The following CDH18 variants were observed in gnomAD, a reference collection of about 807,000 sequenced individuals.
The protein encoded by CDH18 is cadherin-18.
Under a neutral mutation model 67.9 loss-of-function variants are expected in CDH18, and 31 were observed. The ratio of observed to expected loss-of-function variants is 0.46; its 90% confidence interval spans 0.34 to 0.62. The LOEUF (loss-of-function observed/expected upper bound fraction) is 0.62, where lower values mean the gene tolerates loss of function less well. CDH18 is among the 20% of genes least tolerant of loss of function. The pLI, the probability that CDH18 is intolerant of heterozygous loss-of-function variation, is 0.01. For missense variants in CDH18, 890 were observed against 975.5 expected (o/e 0.91, Z 1.17); for synonymous variants, 362 against 347.2 (o/e 1.04, Z -0.48).
rs544353785 is a variant in CDH18 at position 20,530,273 on chromosome 5, A to C, written c.-580+45189T>G. Among the ~76,000 whole-genome samples, 3 of 152,106 alleles carry C rather than the reference A, an allele frequency of 2.0e-5. No individual in the cohort carries two copies. The South Asian group carries it at 6.2e-4, about 32-fold the overall frequency. On this transcript the variant is annotated intron_variant, in intron 1 of 14. Transcript: ENST00000507958. ...GTGGAAAAACATTCTATGCTAAAAG[A>C]TAGGAAGAATCAATATGAAAATGGC... is the stretch of plus-strand genomic sequence containing the variant.
intron 1 of CDH18, among the ~76,000 whole-genome samples, chr5:20,428,943 G>A (rs1748533000): frequency 6.6e-6 from 1 of 152,096 alleles, no homozygotes; most frequent in African/African-American, 2.4e-5. Flanking sequence ...CTTAAAGGGA[G>A]CTATGTGCGT....
chr5:20,402,042 A>G (rs1580914118), intron 1 of CDH18, among the ~76,000 whole-genome samples: 1 of 151,940 alleles, frequency 6.6e-6, no homozygotes, highest in East Asian at 1.9e-4. Context: ...TATTCTCACA[A>G]GCTTTCTGTT....
chr5:19,586,400 C>T lies in CDH18; in HGVS notation c.999+4657G>A, dbSNP rs75288051. On this transcript the variant is annotated intron_variant, in intron 7 of 12. Coordinates refer to ENST00000382275, the MANE Select transcript of CDH18 (RefSeq NM_004934.5). ...CTATAGGCCCGTGTGTGTTGTTAACCCTATGTGTCCATGTATTCTCATCAT... is the reference window on the plus strand; with the variant it reads ...CTATAGGCCCGTGTGTGTTGTTAACTCTATGTGTCCATGTATTCTCATCAT... Among the ~76,000 whole-genome samples the T allele has an allele frequency of 1.6e-3, 239 of 152,080 alleles. 1 individual carries two copies. The highest frequency in any genetic ancestry group is 5.6e-3 in the African/African-American group (233 of 41,502).
At chr5:20,483,274 C>T (rs1266538577) in intron 1 of CDH18, among the ~76,000 whole-genome samples, 1 of 151,504 alleles carries the variant, frequency 6.6e-6, no homozygotes, top group Non-Finnish European at 1.5e-5. Flanking sequence ...GAAGAGGACA[C>T]CAAAAAAGAA....
intron 1 of CDH18, among the ~76,000 whole-genome samples, chr5:20,508,363 A>ATATATATATATATT (rs1754792879): frequency 7.5e-6 from 1 of 133,242 alleles, no homozygotes; most frequent in Non-Finnish European, 1.6e-5. Context: ...ATATATATAT[A>ATATATATATATATT]TATGTATATT....
At chr5:19,498,584 G>T (rs572514519) in intron 11 of CDH18, among the ~76,000 whole-genome samples, 1 of 151,970 alleles carries the variant, frequency 6.6e-6, no homozygotes, top group Non-Finnish European at 1.5e-5. Context: ...AGTTAGTTTC[G>T]CTATCTTCCA....
chr5:20,378,185 C>CT (rs1006968514), intron 1 of CDH18, among the ~76,000 whole-genome samples: 24 of 151,932 alleles, frequency 1.6e-4, no homozygotes, highest in African/African-American at 4.6e-4. Context: ...CTTTCTTTTT[C>CT]TTTTTTGAGA....
At chr5:19,546,550 G>A (rs992945243) in intron 8 of CDH18, among the ~76,000 whole-genome samples, 1 of 152,138 alleles carries the variant, frequency 6.6e-6, no homozygotes, top group African/African-American at 2.4e-5. Context: ...ATGAAAAGCT[G>A]GGTAGAAATA....
At chr5:19,542,237 C>T (rs959753053) in intron 9 of CDH18, among the ~76,000 whole-genome samples, 1 of 152,130 alleles carries the variant, frequency 6.6e-6, no homozygotes, top group African/African-American at 2.4e-5. Context: ...AATACCACCT[C>T]ACACCCACTA....
At chr5:20,381,476 G>A (rs1263517073) in intron 1 of CDH18, among the ~76,000 whole-genome samples, 4 of 152,028 alleles carry the variant, frequency 2.6e-5, no homozygotes, top group Non-Finnish European at 5.9e-5. Context: ...CTGCATGGTT[G>A]TCTCAAGGGG....
intron 9 of CDH18, among the ~76,000 whole-genome samples, chr5:19,530,862 T>C (rs1157496601): frequency 6.7e-6 from 1 of 148,590 alleles, no homozygotes; most frequent in East Asian, 2.0e-4. Context: ...GTTCCAAGTC[T>C]TTGCTGTTGT....
rs1239106278 is a variant in CDH18 at position 19,994,724 on chromosome 5, TATATATATATATATAGAGAGAGAGAG to T, written c.-517-2736_-517-2711del. On this transcript the variant is annotated intron_variant, in intron 2 of 14. Transcript: ENST00000507958. ...CAGTATATATATATATATATATATA[TATATATATATATATAGAGAGAGAGAG>T]AGAGAGAGAGAGAGAGAGAGAGAGA... Among the ~76,000 whole-genome samples, 38 of 23,950 alleles carry T rather than the reference TATATATATATATATAGAGAGAGAGAG, an allele frequency of 1.6e-3. 2 individuals are homozygous for T. The highest frequency in any genetic ancestry group is 4.3e-3 in the African/African-American group (28 of 6,584). The allele number at this position is 23,950 out of a possible 152,430, so 15.7% of individuals were successfully genotyped here.
intron 1 of CDH18, among the ~76,000 whole-genome samples, chr5:20,455,805 A>C (rs1463585523): frequency 6.6e-6 from 1 of 152,106 alleles, no homozygotes; most frequent in African/African-American, 2.4e-5. Context: ...TACATACTTA[A>C]AATTGAATTA....
chr5:19,822,420 G>T (rs1779966945), intron 3 of CDH18, among the ~76,000 whole-genome samples: 1 of 152,180 alleles, frequency 6.6e-6, no homozygotes, highest in Admixed American at 6.5e-5. Flanking sequence ...AATTCAGCCA[G>T]ATATCAGGCA....
chr5:19,561,214 T>C (rs1739394438), intron 8 of CDH18, among the ~76,000 whole-genome samples: 1 of 152,126 alleles, frequency 6.6e-6, no homozygotes, highest in African/African-American at 2.4e-5. Context: ...CGAAGGTATG[T>C]TTATAGCAGC....
At chr5:19,650,739 C>T (rs1269284921) in intron 5 of CDH18, among the ~76,000 whole-genome samples, 4 of 151,954 alleles carry the variant, frequency 2.6e-5, no homozygotes, top group Admixed American at 6.6e-5. Context: ...GAAAATTAAA[C>T]GTATTTCCAC....
chr5:19,540,539 G>A (rs769810953), intron 9 of CDH18, among the ~76,000 whole-genome samples: 2 of 152,134 alleles, frequency 1.3e-5, no homozygotes, highest in South Asian at 2.1e-4. Context: ...CACCCCAGGA[G>A]CAAACTTCTG....
chr5:19,681,978 A>G (rs551560122), intron 5 of CDH18, among the ~76,000 whole-genome samples: 1 of 150,980 alleles, frequency 6.6e-6, no homozygotes, highest in East Asian at 1.9e-4. Context: ...TTTGGTCATA[A>G]ATTTTCTTTA....
intron 8 of CDH18, among the ~76,000 whole-genome samples, chr5:19,558,052 C>G (rs1223594575): frequency 6.6e-6 from 1 of 151,868 alleles, no homozygotes; most frequent in Non-Finnish European, 1.5e-5. Flanking sequence ...ATCATTGAGA[C>G]AACAATGAAA....
Sources: gnomAD v4.1 joint callset for allele counts (sites outside exome capture counted in the v4.1 genomes callset) on GRCh38, gnomAD v4.1.1 for gene constraint, MANE v1.5 for transcripts, NCBI Gene and HGNC (gene_info 2026-07-23, HGNC 2026-07-21) for gene names.